Variants in ZNF785 observed in about 807,000 individuals in gnomAD.
The protein encoded by ZNF785 is zinc finger protein 785.
Under a neutral mutation model 11.3 loss-of-function variants are expected in ZNF785, and 15 were observed. That is an observed-to-expected ratio of 1.32 (90% CI 0.89 to 2.04). The LOEUF is 2.04. ZNF785 is among the 30% of genes most tolerant of loss of function. ZNF785 has a pLI of 0.00. For missense variants in ZNF785, 572 were observed against 560.9 expected (o/e 1.02, Z -0.20); for synonymous variants, 221 against 231.0 (o/e 0.96, Z 0.39).
At chr16:30,580,044 T>A (rs2051786358), downstream of ZNF785, among the ~76,000 whole-genome samples, 1 of 144,954 alleles carries the variant, frequency 6.9e-6, no homozygotes, top group Non-Finnish European at 1.5e-5. Flanking sequence ...CCCGCCACCA[T>A]GCCCGGATAA....
chr16:30,585,090 C>G lies in ZNF785; in HGVS notation c.334+32G>C, dbSNP rs1314547189. 3 of 1,588,228 alleles carry G rather than the reference C, an allele frequency of 1.9e-6. No homozygotes were observed. Among genetic ancestry groups the G allele is most frequent in the Non-Finnish European group, 2.6e-6 (3 of 1,163,134 alleles). ...AGTGAGTTGGGGGCGGGGGTTGGGG[C>G]TTCTCCACGGCTACTTATCCAAATG... On this transcript the variant is annotated intron_variant, in intron 2 of 2. Coordinates refer to ENST00000395216, the MANE Select transcript of ZNF785 (RefSeq NM_152458.7). The surrounding 1 kb of genome is among the most constrained non-coding windows in gnomAD (Gnocchi z 4.0).
rs570820646 is a variant in ZNF785 at position 30,581,711 on chromosome 16, T to A, written c.*849A>T. 2 of 152,174 alleles carry A rather than the reference T, an allele frequency of 1.3e-5. No homozygotes were observed. The highest frequency in any genetic ancestry group is 1.3e-4 in the Admixed American group (2 of 15,268). 9.4% of individuals were successfully genotyped at this position (152,174 alleles called of 1,614,324 possible). A position where few individuals can be genotyped will look rare whatever the true frequency, so the allele number is the denominator to read the frequency against. On this transcript the variant is annotated 3_prime_UTR_variant, in exon 3 of 3. Transcript: ENST00000395216. ...CCACCTGAGGCCACTGTCCTCTCTA[T>A]GGCCACCTCTAGGTCTTCAAGACCA...
In ZNF785 at chr16:30,582,687, G is replaced by C; in HGVS notation, c.1091C>G (p.Ser364Cys). The change falls in exon 3 of 3, where the codon TCC becomes TGC. Residue 364 changes from serine to cysteine, a missense_variant. Physicochemically the swap from Ser to Cys is moderately radical, Grantham distance 112. Transcript: ENST00000395216. ...ALEAHRWIHR[S>C]CSERRAWQQA... ...CTGCCACGCGCGCCTCTCGCTGCAG[G>C]AGCGGTGGATCCACCGATGGGCTTC... The C allele has an allele frequency of 6.2e-7, 1 of 1,614,056 alleles. No homozygotes were observed. Among genetic ancestry groups the C allele is most frequent in the Non-Finnish European group, 8.5e-7 (1 of 1,180,000 alleles).
intron 2 of ZNF785, among the ~76,000 whole-genome samples, chr16:30,584,784 C>G (rs1372392821): frequency 6.6e-6 from 1 of 152,184 alleles, no homozygotes; most frequent in Non-Finnish European, 1.5e-5. Context: ...GTGTTATTTA[C>G]TACACGTGGT....
At chr16:30,580,087 C>G (rs141523386), downstream of ZNF785, among the ~76,000 whole-genome samples, 72 of 151,474 alleles carry the variant, frequency 4.8e-4, no homozygotes, top group East Asian at 0.013. Context: ...TGGGGTTTCA[C>G]TGTGTGAGCC....
chr16:30,584,962 C>T (rs1221301391), intron 2 of ZNF785, among the ~76,000 whole-genome samples, 160 bp downstream of exon 2: 1 of 152,046 alleles, frequency 6.6e-6, no homozygotes, highest in East Asian at 1.9e-4. Flanking sequence ...CCCAATTTCG[C>T]TGTTCCATCG....
chr16:30,580,194 T>C (rs2151235265), downstream of ZNF785, among the ~76,000 whole-genome samples: 1 of 145,114 alleles, frequency 6.9e-6, no homozygotes, highest in African/African-American at 2.6e-5. Context: ...GCCTTTTTTT[T>C]TTTTTTTTTT....
In ZNF785 at chr16:30,582,290, G is replaced by GA; in HGVS notation, c.*269dup. 3.9e-6 allele frequency: 2 copies of GA among 506,782 alleles called. No individual in the cohort carries two copies. The highest frequency in any genetic ancestry group is 7.1e-6 in the Non-Finnish European group (2 of 282,586). 31.4% of individuals were successfully genotyped at this position (506,782 alleles called of 1,614,324 possible). On this transcript the variant is annotated 3_prime_UTR_variant, in exon 3 of 3. Transcript: ENST00000395216. ...TACAAGGGAGAGAACAATCATGAAG[G>GA]AAAAGCCAGTTAGGTGAATGGTTTT... is the stretch of plus-strand genomic sequence containing the variant.
rs1395481750 is a variant in ZNF785, at chr16:30,582,428, C to T, written c.*132G>A. 2.3e-6 allele frequency: 3 copies of T among 1,320,206 alleles called. No individual in the cohort carries two copies. In the African/African-American group the frequency reaches 4.4e-5, roughly 19 times the overall value. The allele number at this position is 1,320,206 out of a possible 1,614,324, so 81.8% of individuals were successfully genotyped here. On this transcript the variant is annotated 3_prime_UTR_variant, in exon 3 of 3. Coordinates refer to ENST00000395216, the MANE Select transcript of ZNF785 (RefSeq NM_152458.7). ...GCCTCCTCCCCACAGCCCTCTGTGC[C>T]CCTACCTCTGCTTTTTACCTAAGGC...
Position 30,583,845 on chromosome 16 carries a change from T to TAA in ZNF785, c.335-404_335-403dup, listed in dbSNP as rs57893410. 35 of 122,284 alleles carry TAA rather than the reference T, an allele frequency of 2.9e-4. No individual in the cohort carries two copies. In the South Asian group the frequency reaches 3.4e-3, roughly 12 times the overall value. The allele number at this position is 122,284 out of a possible 1,614,324, so 7.6% of individuals were successfully genotyped here. ...CACTCCAGCCTGGGCAACTCTCTAA[T>TAA]AAAAAAAAAAAAAAATGCTGGGCGT... On this transcript the variant is annotated intron_variant, in intron 2 of 2. Coordinates refer to ENST00000395216, the MANE Select transcript of ZNF785 (RefSeq NM_152458.7).
At position 30,582,656 on chromosome 16, in the gene ZNF785, G is replaced by A. The variant is rs762690387; in HGVS notation, c.1122C>T (p.Ala374=). The A allele has an allele frequency of 9.9e-6, 16 of 1,614,058 alleles. No individual in the cohort carries two copies. In the East Asian group the frequency reaches 1.3e-4, roughly 13 times the overall value. ...GGATGGGCTCTGAACGCCCCACCAC[G>A]GCCTGCTGCCACGCGCGCCTCTCGC... ...SCSERRAWQQ[A]VVGRSEPIPV... The change falls in exon 3 of 3, where the codon GCC becomes GCT. Residue 374 remains alanine (A), a synonymous_variant. Transcript: ENST00000395216.
At chr16:30,579,673 C>A (rs1555513229), downstream of ZNF785, 1 of 413,028 alleles carries the variant, frequency 2.4e-6, no homozygotes, top group Non-Finnish European at 4.9e-6. Flanking sequence ...AGCCACCGTG[C>A]CCGGCACCAG....
Position 30,585,534 on chromosome 16 carries a change from C to G in ZNF785, c.78G>C (p.Pro26=). 6.3e-7 allele frequency: 1 copy of G among 1,581,540 alleles called. No individual in the cohort carries two copies. The highest frequency in any genetic ancestry group is 8.6e-7 in the Non-Finnish European group (1 of 1,165,486). Residue 26 remains proline, a synonymous_variant, in exon 1 of 3, where the codon CCG becomes CCC. Transcript: ENST00000395216. The surrounding 1 kb of genome is among the most constrained non-coding windows in gnomAD (Gnocchi z 4.0). ...CCACGTCCGCGAAGCTCACGGCGCCCGGCCTGCTTTCCCTCGTCCTCCGGG... is the reference window on the plus strand; with the variant it reads ...CCACGTCCGCGAAGCTCACGGCGCCGGGCCTGCTTTCCCTCGTCCTCCGGG... ...AGPRRTRESR[P]GAVSFADVAV...
chr16:30,585,010 G>A lies in ZNF785; in HGVS notation c.334+112C>T, dbSNP rs2051870085. 3.6e-6 allele frequency: 5 copies of A among 1,394,236 alleles called. No homozygotes were observed. Among genetic ancestry groups the A allele is most frequent in the Non-Finnish European group, 4.8e-6 (5 of 1,042,478 alleles). 86.4% of individuals were successfully genotyped at this position (1,394,236 alleles called of 1,614,324 possible). A position where few individuals can be genotyped will look rare whatever the true frequency, so the allele number is the denominator to read the frequency against. On this transcript the variant is annotated intron_variant, in intron 2 of 2. Transcript: ENST00000395216. The surrounding 1 kb of genome is among the most constrained non-coding windows in gnomAD (Gnocchi z 4.0). ...GTGAGATGAGGACGTTTCTGGGGTA[G>A]GGTGCAGGGAGACAGGATGGGACTT...
chr16:30,585,376 T>G lies in ZNF785; in HGVS notation c.205+31A>C, dbSNP rs2051878879. ...CGATCACCGCTTCCCACCGACGGACTGGGGGTCCCGGCCGGAGGGCCCGGC... is the reference window on the plus strand; with the variant it reads ...CGATCACCGCTTCCCACCGACGGACGGGGGGTCCCGGCCGGAGGGCCCGGC... On this transcript the variant is annotated intron_variant, in intron 1 of 2. Coordinates refer to ENST00000395216, the MANE Select transcript of ZNF785 (RefSeq NM_152458.7). This position sits in a 1 kb window ranked among gnomAD's most constrained non-coding sequence, Gnocchi z 4.0. 5 of 1,574,788 alleles carry G rather than the reference T, an allele frequency of 3.2e-6. No homozygotes were observed. The Admixed American group carries it at 7.4e-5, about 23-fold the overall frequency.
chr16:30,579,740 T>C (rs1376618507), downstream of ZNF785: 1 of 452,008 alleles, frequency 2.2e-6, no homozygotes, highest in East Asian at 7.0e-5. Context: ...TTCAAAGAGA[T>C]ATTTGAGTCA....
intron 2 of ZNF785, among the ~76,000 whole-genome samples, chr16:30,584,253 A>C (rs1177122149): frequency 2.0e-5 from 3 of 152,208 alleles, no homozygotes; most frequent in African/African-American, 4.8e-5. Context: ...ACCATCCTGA[A>C]CCTGTTTATG....
Position 30,582,462 on chromosome 16 carries a change from G to A in ZNF785, c.*98C>T, listed in dbSNP as rs1187077931. 22 of 1,515,420 alleles carry A rather than the reference G, an allele frequency of 1.5e-5. No homozygotes were observed. The highest frequency in any genetic ancestry group is 2.0e-5 in the Non-Finnish European group (22 of 1,122,638). 93.9% of individuals were successfully genotyped at this position (1,515,420 alleles called of 1,614,324 possible). A position where few individuals can be genotyped will look rare whatever the true frequency, so the allele number is the denominator to read the frequency against. On this transcript the variant is annotated 3_prime_UTR_variant, in exon 3 of 3. Transcript: ENST00000395216. ...TGCTTTTTACCTAAGGCAGAACTTT[G>A]TTTTCCTCAAACGCCCACTTCCTTT...
Position 30,582,657 on chromosome 16 carries a change from G to A in ZNF785, c.1121C>T (p.Ala374Val), listed in dbSNP as rs1269654763. 2.5e-6 allele frequency: 4 copies of A among 1,614,182 alleles called. No individual in the cohort carries two copies. In the South Asian group the frequency reaches 3.3e-5, roughly 13 times the overall value. The change falls in exon 3 of 3, where the codon GCC becomes GTC. Residue 374 changes from alanine (A) to valine (V), a missense_variant. Transcript: ENST00000395216. ...SCSERRAWQQ[A>V]VVGRSEPIPV... is the part of the protein sequence containing the mutation. ...GATGGGCTCTGAACGCCCCACCACG[G>A]CCTGCTGCCACGCGCGCCTCTCGCT...
Sources: gnomAD v4.1 joint callset for allele counts (sites outside exome capture counted in the v4.1 genomes callset) on GRCh38, gnomAD v4.1.1 for gene constraint, Gnocchi (gnomAD v3.1) non-coding constraint, MANE v1.5 for transcripts, NCBI Gene and HGNC (gene_info 2026-07-23, HGNC 2026-07-21) for gene names.